Variants in MCM9 observed in about 807,000 individuals in gnomAD.
MCM9 encodes minichromosome maintenance 9 homologous recombination repair factor.
A neutral mutation model predicts 72.8 loss-of-function variants in MCM9; 55 were observed. The ratio of observed to expected loss-of-function variants is 0.76; its 90% CI spans 0.61 to 0.95. The LOEUF (loss-of-function observed/expected upper bound fraction) is 0.95, where lower values mean the gene tolerates loss of function less well. Ranked by LOEUF, MCM9 falls within the 40% of genes least tolerant of loss-of-function variation. MCM9 has a pLI of 0.00. For synonymous variants in MCM9, 480 were observed against 503.4 expected, an observed-to-expected ratio of 0.95 and a Z score of 0.62; for missense variants, 1,279 against 1,377.0, an observed-to-expected ratio of 0.93 and a Z score of 1.13.
In MCM9 at chr6:118,909,558, A is replaced by G. The variant is rs375198735; in HGVS notation, c.1150+2092T>C. Among the ~76,000 whole-genome samples the G allele has an allele frequency of 4.6e-5, 7 of 152,296 alleles. No individual in the cohort carries two copies. The East Asian group carries it at 9.6e-4, about 21-fold the overall frequency. On this transcript the variant is annotated intron_variant, in intron 8 of 13. Coordinates refer to ENST00000619706, the MANE Select transcript of MCM9 (RefSeq NM_017696.3). ...AGAACTATTTTCCACCCTTTTGCTCATAGTAAATAGCTGTGTCCTAAGAAT... is the reference window on the plus strand; with the variant it reads ...AGAACTATTTTCCACCCTTTTGCTCGTAGTAAATAGCTGTGTCCTAAGAAT...
chr6:118,911,400 T>A, intron 8 of MCM9: 1 of 1,213,058 alleles, frequency 8.2e-7, no homozygotes. Flanking sequence ...CATAAAAGTA[T>A]GAAGGTAATC....
chr6:118,837,403 G>T (rs542674027), intron 9 of MCM9, among the ~76,000 whole-genome samples: 51 of 152,284 alleles, frequency 3.3e-4, no homozygotes, highest in African/African-American at 1.2e-3. Flanking sequence ...CCAGAGCTGA[G>T]TTCAAGTCCT....
chr6:118,837,553 T>C (rs942967882), intron 9 of MCM9, among the ~76,000 whole-genome samples: 1 of 152,244 alleles, frequency 6.6e-6, no homozygotes, highest in Non-Finnish European at 1.5e-5. Context: ...TGGGTGCTCC[T>C]GTATTGGTTG....
chr6:118,905,116 G>A (rs1780086435), intron 8 of MCM9, among the ~76,000 whole-genome samples: 1 of 152,174 alleles, frequency 6.6e-6, no homozygotes, highest in African/African-American at 2.4e-5. Context: ...GATTACAAGT[G>A]TAAGCAACCA....
intron 4 of MCM9, among the ~76,000 whole-genome samples, chr6:118,923,134 T>G (rs1386118525): frequency 2.6e-5 from 4 of 151,904 alleles, no homozygotes; most frequent in African/African-American, 9.7e-5. Flanking sequence ...TATCTCTTAA[T>G]TATTTTAGGT....
At chr6:118,846,110 G>T (rs995917569) in intron 9 of MCM9, among the ~76,000 whole-genome samples, 3 of 151,702 alleles carry the variant, frequency 2.0e-5, no homozygotes, top group African/African-American at 7.3e-5. Context: ...ATATAAGAAA[G>T]AATAACTTTA....
At chr6:118,894,556 T>G (rs545813114) in intron 8 of MCM9, 1 of 1,498,996 alleles carries the variant, frequency 6.7e-7, no homozygotes, top group East Asian at 2.5e-5. Flanking sequence ...GGGCTGTCAG[T>G]TGCGGGCTGC....
intron 8 of MCM9, among the ~76,000 whole-genome samples, chr6:118,897,878 C>T (rs1779539716): frequency 6.6e-6 from 1 of 151,618 alleles, no homozygotes; most frequent in African/African-American, 2.4e-5. Flanking sequence ...GGGTATTGAG[C>T]ATGTAAAACT....
intron 3 of MCM9, 121 bp from the exon 4 acceptor site, chr6:118,924,248 G>T: frequency 1.1e-6 from 1 of 887,734 alleles, no homozygotes; most frequent in Non-Finnish European, 1.7e-6. Context: ...AAAAGATTGT[G>T]TTTTACTAAG....
chr6:118,905,399 A>G (rs1366428421), intron 8 of MCM9, among the ~76,000 whole-genome samples: 1 of 152,218 alleles, frequency 6.6e-6, no homozygotes, highest in African/African-American at 2.4e-5. Context: ...TGTAGCCAGA[A>G]TTTCTTCCTT....
intron 8 of MCM9, among the ~76,000 whole-genome samples, chr6:118,880,249 T>C (rs1562421452): frequency 6.6e-6 from 1 of 152,174 alleles, no homozygotes; most frequent in Non-Finnish European, 1.5e-5. Context: ...GATAAATTTG[T>C]AGCAGCTTCA....
chr6:118,891,562 G>C (rs372556240), intron 8 of MCM9, among the ~76,000 whole-genome samples: 3 of 152,058 alleles, frequency 2.0e-5, no homozygotes, highest in Non-Finnish European at 4.4e-5. Context: ...CTCTGTGTGC[G>C]TGTGACCCTT....
At chr6:118,846,059 T>C (rs1031342857) in intron 9 of MCM9, among the ~76,000 whole-genome samples, 7 of 151,864 alleles carry the variant, frequency 4.6e-5, no homozygotes, top group African/African-American at 1.7e-4. Context: ...ACTAAAAATA[T>C]ATAAAATATA....
chr6:118,904,105 A>C (rs1462107889), intron 8 of MCM9, among the ~76,000 whole-genome samples: 4 of 152,160 alleles, frequency 2.6e-5, no homozygotes, highest in Non-Finnish European at 4.4e-5. Flanking sequence ...GAGAAAGAAC[A>C]TATCTGTGTT....
chr6:118,826,999 A>G (rs1264576976), intron 11 of MCM9, 135 bp from the exon 12 acceptor site: 6 of 694,454 alleles, frequency 8.6e-6, no homozygotes, highest in East Asian at 8.2e-5. Context: ...GAACAAGCAC[A>G]AAAGTCAACA....
intron 9 of MCM9, among the ~76,000 whole-genome samples, chr6:118,829,531 C>T (rs1774389200): frequency 6.6e-6 from 1 of 152,164 alleles, no homozygotes; most frequent in Non-Finnish European, 1.5e-5. Flanking sequence ...CAAAATTAAA[C>T]CAAACTCTTC....
chr6:118,854,383 C>T (rs1269542467), intron 9 of MCM9, among the ~76,000 whole-genome samples: 4 of 152,196 alleles, frequency 2.6e-5, no homozygotes, highest in African/African-American at 9.7e-5. Context: ...ACAGAGGTCA[C>T]TCTGTCGCCC....
At chr6:118,875,592 T>C (rs1299870320) in intron 8 of MCM9, among the ~76,000 whole-genome samples, 1 of 151,512 alleles carries the variant, frequency 6.6e-6, no homozygotes, top group Admixed American at 6.6e-5. Context: ...GCCATGTTCA[T>C]ACCACTGCAC....
At chr6:118,913,531 G>A (rs1780709951) in intron 6 of MCM9, 111 bp from the exon 7 acceptor site, 2 of 1,342,618 alleles carry the variant, frequency 1.5e-6, no homozygotes, top group Admixed American at 4.2e-5. Flanking sequence ...TCTACTATGT[G>A]AAGTGATCAG....
Sources: allele counts gnomAD v4.1 joint callset (sites outside exome capture counted in the v4.1 genomes callset), GRCh38; gene constraint gnomAD v4.1.1; transcripts MANE v1.5; gene names NCBI Gene and HGNC (gene_info 2026-07-23, HGNC 2026-07-21).